Variants in EML4 observed in about 807,000 individuals in gnomAD.
EML4 encodes the protein EMAP like 4, also known as echinoderm microtubule-associated protein-like 4.
EML4 carries 72 observed loss-of-function variants against 129.0 expected under a neutral mutation model. The ratio of observed to expected loss-of-function variants is 0.56; its 90% CI spans 0.46 to 0.68. EML4 has a LOEUF of 0.68. Ranked by LOEUF, EML4 falls within the 30% of genes least tolerant of loss-of-function variation. The probability of loss-of-function intolerance (pLI) is 0.00; values close to 1 mark genes in which losing one functional copy is unlikely to be tolerated. For missense variants in EML4, 1,363 were observed against 1,190.6 expected, an observed-to-expected ratio of 1.14 and a Z score of -2.13; for synonymous variants, 532 against 405.0, an observed-to-expected ratio of 1.31 and a Z score of -3.77.
chr2:42,313,199 G>A (rs1405989703), intron 17 of EML4, among the ~76,000 whole-genome samples: 1 of 148,478 alleles, frequency 6.7e-6, no homozygotes, highest in Non-Finnish European at 1.5e-5. Flanking sequence ...CTCGTGATCC[G>A]CCTGCCTCGG....
At chr2:42,247,129 G>A (rs1160518224) in intron 2 of EML4, among the ~76,000 whole-genome samples, 2 of 152,144 alleles carry the variant, frequency 1.3e-5, no homozygotes, top group Non-Finnish European at 2.9e-5. Flanking sequence ...GATAGGTTGA[G>A]GACAAAAAGG....
At chr2:42,310,552 G>A (rs1341501355) in intron 17 of EML4, among the ~76,000 whole-genome samples, 1 of 152,152 alleles carries the variant, frequency 6.6e-6, no homozygotes, top group African/African-American at 2.4e-5. Flanking sequence ...CACCATGTTG[G>A]TCAAGCTGGT....
intron 6 of EML4, among the ~76,000 whole-genome samples, chr2:42,267,301 A>T (rs992492853): frequency 6.6e-6 from 1 of 152,262 alleles, no homozygotes; most frequent in African/African-American, 2.4e-5. Flanking sequence ...ATTATTAAAT[A>T]GGTGAGAGTC....
chr2:42,255,320 C>A (rs570742791), intron 2 of EML4, among the ~76,000 whole-genome samples: 1 of 152,026 alleles, frequency 6.6e-6, no homozygotes, highest in South Asian at 2.1e-4. Flanking sequence ...CTCCTGACCT[C>A]GTGATCCGCC....
chr2:42,207,041 G>T (rs545696465), intron 1 of EML4, among the ~76,000 whole-genome samples: 1 of 152,154 alleles, frequency 6.6e-6, no homozygotes, highest in East Asian at 1.9e-4. Context: ...AGACAATGCA[G>T]CTGTCACTGA....
intron 1 of EML4, among the ~76,000 whole-genome samples, chr2:42,202,424 T>A (rs937316121): frequency 3.9e-5 from 6 of 152,020 alleles, no homozygotes; most frequent in African/African-American, 1.2e-4. Context: ...GGTGTATTAG[T>A]CAGTGTTCTC....
At chr2:42,315,848 C>T in intron 17 of EML4, 114 bp from the exon 18 acceptor site, 4 of 721,810 alleles carry the variant, frequency 5.5e-6, no homozygotes, top group Non-Finnish European at 9.5e-6. Flanking sequence ...ACTCCATGCA[C>T]ACCAGCGTTA....
intron 1 of EML4, among the ~76,000 whole-genome samples, chr2:42,220,624 T>G (rs1235320375): frequency 6.6e-6 from 1 of 152,162 alleles, no homozygotes; most frequent in Admixed American, 6.5e-5. Flanking sequence ...GGTTCTTAAG[T>G]GTTCAAGTGA....
chr2:42,301,360 G>A lies in EML4; in HGVS notation c.1609G>A (p.Asp537Asn). 1 of 1,612,670 alleles carries A rather than the reference G, an allele frequency of 6.2e-7. No homozygotes were observed. Among genetic ancestry groups the A allele is most frequent in the Non-Finnish European group, 8.5e-7 (1 of 1,179,322 alleles). Residue 537 changes from aspartate to asparagine, a missense_variant, in exon 14 of 23, where the codon GAT (aspartate) becomes AAT (asparagine). Physicochemically the swap from Asp to Asn is conservative, Grantham distance 23 (BLOSUM62 1). Transcript: ENST00000318522. ...GAAAGACAGAAAAATAATTCTGTGG[G>A]ATCATGATCTGAATCCTGAAAGAGA... ...GGKDRKIILW[D>N]HDLNPEREIE...
chr2:42,239,685 A>T (rs1038431285), intron 1 of EML4, among the ~76,000 whole-genome samples: 4 of 151,924 alleles, frequency 2.6e-5, no homozygotes, highest in African/African-American at 9.7e-5. Context: ...AACAATTTTT[A>T]AAAACCAGGG....
At chr2:42,269,761 G>C (rs533338394) in intron 6 of EML4, among the ~76,000 whole-genome samples, 85 of 152,240 alleles carry the variant, frequency 5.6e-4, no homozygotes, top group African/African-American at 2.0e-3. Flanking sequence ...TTAAGGAATA[G>C]CAAGGAGGTC....
chr2:42,235,244 C>T (rs898719533), intron 1 of EML4, among the ~76,000 whole-genome samples: 9 of 149,886 alleles, frequency 6.0e-5, no homozygotes, highest in Non-Finnish European at 8.9e-5. Context: ...TGCAGTGAGC[C>T]GAGATCGCAC....
At chr2:42,251,501 T>G (rs1675765403) in intron 2 of EML4, among the ~76,000 whole-genome samples, 1 of 152,206 alleles carries the variant, frequency 6.6e-6, no homozygotes, top group African/African-American at 2.4e-5. Context: ...GGCCTAAGGG[T>G]ACATCTTCCT....
chr2:42,297,831 T>C (rs181388494), intron 13 of EML4, among the ~76,000 whole-genome samples: 3 of 152,320 alleles, frequency 2.0e-5, no homozygotes, highest in Non-Finnish European at 2.9e-5. Context: ...AACTAATCCT[T>C]TTACTTTTGT....
At chr2:42,328,862 C>A (rs776023757) in intron 21 of EML4, 24 bp from the exon 22 acceptor site, 15 of 1,562,328 alleles carry the variant, frequency 9.6e-6, no homozygotes, top group Middle Eastern at 1.8e-4. Context: ...AATTTTTCTG[C>A]ATCCCTGTGT....
chr2:42,185,183 A>C (rs542203312), intron 1 of EML4, among the ~76,000 whole-genome samples: 1 of 152,140 alleles, frequency 6.6e-6, no homozygotes, highest in Non-Finnish European at 1.5e-5. Context: ...TTGACAGACT[A>C]CCACCTTCTG....
At chr2:42,216,700 T>G (rs1379014133) in intron 1 of EML4, among the ~76,000 whole-genome samples, 4 of 152,238 alleles carry the variant, frequency 2.6e-5, no homozygotes, top group East Asian at 1.9e-4. Flanking sequence ...TTTTAAAGAT[T>G]ATTATAGCCA....
At chr2:42,227,573 A>G (rs750968648) in intron 1 of EML4, among the ~76,000 whole-genome samples, 2 of 150,874 alleles carry the variant, frequency 1.3e-5, no homozygotes, top group African/African-American at 2.4e-5. Context: ...ATTGCAATAT[A>G]TATGCCCTTC....
chr2:42,315,898 A>T, intron 17 of EML4, 64 bp from the exon 18 acceptor site: 3 of 1,234,432 alleles, frequency 2.4e-6, no homozygotes, highest in Non-Finnish European at 3.5e-6. Flanking sequence ...AAAGAAAAAG[A>T]ACAACTTTTT....
Sources: allele counts gnomAD v4.1 joint callset (sites outside exome capture counted in the v4.1 genomes callset), GRCh38; gene constraint gnomAD v4.1.1; transcripts MANE v1.5; gene names NCBI Gene and HGNC (gene_info 2026-07-23, HGNC 2026-07-21).